The following SMAD3 variants were observed in gnomAD, a reference collection of about 807,000 sequenced individuals.
SMAD3 encodes the protein SMAD family member 3.
A neutral mutation model predicts 51.8 loss-of-function variants in SMAD3; 12 were observed. The ratio of observed to expected loss-of-function variants is 0.23; its 90% CI spans 0.15 to 0.38. SMAD3 has a LOEUF of 0.38. SMAD3 is among the 10% of genes least tolerant of loss of function. The pLI, the probability that SMAD3 is intolerant of heterozygous loss-of-function variation, is 1.00. For synonymous variants in SMAD3, 238 were observed against 227.7 expected, an observed-to-expected ratio of 1.05 and a Z score of -0.41; for missense variants, 294 against 565.6, an observed-to-expected ratio of 0.52 and a Z score of 4.87.
intron 6 of SMAD3, among the ~76,000 whole-genome samples, chr15:67,183,043 T>A (rs1295024176): frequency 9.1e-6 from 1 of 110,452 alleles, no homozygotes; most frequent in Non-Finnish European, 1.8e-5. Flanking sequence ...TTTTTTTTTT[T>A]TTTTTTTTGG....
chr15:67,076,014 C>T (rs1242834236), intron 1 of SMAD3, among the ~76,000 whole-genome samples: 2 of 151,956 alleles, frequency 1.3e-5, no homozygotes, highest in Non-Finnish European at 2.9e-5. Context: ...GCTCATTTTT[C>T]CTTTCCAAGG....
intron 1 of SMAD3, among the ~76,000 whole-genome samples, chr15:67,105,316 G>A (rs1279930070): frequency 2.0e-5 from 3 of 152,180 alleles, no homozygotes; most frequent in Admixed American, 1.3e-4. Context: ...TGGGGACTCA[G>A]GCAGGATGGG....
intron 1 of SMAD3, among the ~76,000 whole-genome samples, chr15:67,135,714 C>T (rs946621569): frequency 6.6e-6 from 1 of 152,152 alleles, no homozygotes; most frequent in African/African-American, 2.4e-5. Context: ...GGTTCAGACA[C>T]CCTCTCTAAG....
intron 6 of SMAD3, among the ~76,000 whole-genome samples, chr15:67,184,500 C>A (rs139786066): frequency 1.0e-3 from 152 of 152,298 alleles, no homozygotes; most frequent in African/African-American, 3.5e-3. Flanking sequence ...TCACTGAGAC[C>A]TATCCTGTGT....
chr15:67,177,292 A>G (rs755771501), intron 5 of SMAD3, among the ~76,000 whole-genome samples: 2 of 152,194 alleles, frequency 1.3e-5, no homozygotes, highest in East Asian at 1.9e-4. Flanking sequence ...ATGCTTTTGC[A>G]GTAACTATAA....
intron 6 of SMAD3, 33 bp downstream of exon 6, chr15:67,181,486 C>G: frequency 6.7e-7 from 1 of 1,487,766 alleles, no homozygotes; most frequent in East Asian, 2.5e-5. Flanking sequence ...GCCCCCCCAC[C>G]CTGCCCCTGC....
intron 1 of SMAD3, among the ~76,000 whole-genome samples, chr15:67,123,679 A>C (rs1961320446): frequency 1.3e-5 from 2 of 152,230 alleles, no homozygotes; most frequent in Non-Finnish European, 1.5e-5. Flanking sequence ...GGGATGCCCC[A>C]AAATTGGGAG....
intron 1 of SMAD3, among the ~76,000 whole-genome samples, chr15:67,075,644 G>A (rs1480985720): frequency 6.6e-6 from 1 of 152,210 alleles, no homozygotes; most frequent in African/African-American, 2.4e-5. Context: ...GCCGGGCACG[G>A]TGGCTCATGC....
chr15:67,101,724 C>T (rs551585952), intron 1 of SMAD3, among the ~76,000 whole-genome samples: 1 of 152,184 alleles, frequency 6.6e-6, no homozygotes, highest in Non-Finnish European at 1.5e-5. Flanking sequence ...GCTACATGAC[C>T]TTAGGAAAGT....
At chr15:67,105,977 G>T (rs1960868406) in intron 1 of SMAD3, among the ~76,000 whole-genome samples, 1 of 152,096 alleles carries the variant, frequency 6.6e-6, no homozygotes, top group Non-Finnish European at 1.5e-5. Flanking sequence ...CAGACCTCAG[G>T]AAGCAATCAT....
At chr15:67,168,966 A>G (rs967607859) in intron 4 of SMAD3, among the ~76,000 whole-genome samples, 4 of 152,098 alleles carry the variant, frequency 2.6e-5, no homozygotes, top group Non-Finnish European at 5.9e-5. Context: ...GCGCCCTTTT[A>G]GACTTGTGAG....
chr15:67,107,366 C>T (rs2140230385), intron 1 of SMAD3, among the ~76,000 whole-genome samples: 1 of 152,198 alleles, frequency 6.6e-6, no homozygotes, highest in East Asian at 1.9e-4. Flanking sequence ...CCTGCTGCGC[C>T]ACTCCCACCA....
chr15:67,081,922 A>C (rs1014626268), intron 1 of SMAD3, among the ~76,000 whole-genome samples: 2 of 151,922 alleles, frequency 1.3e-5, no homozygotes, highest in African/African-American at 4.8e-5. Context: ...GTGCTTAGTA[A>C]ATTTTATTTG....
At chr15:67,145,766 C>T (rs1368909236) in intron 1 of SMAD3, among the ~76,000 whole-genome samples, 1 of 152,170 alleles carries the variant, frequency 6.6e-6, no homozygotes, top group Non-Finnish European at 1.5e-5. Context: ...TGAGGTGGCC[C>T]AGGTGGTAAG....
chr15:67,065,658 C>T lies in SMAD3; in HGVS notation c.-497C>T, dbSNP rs1460954391. Among the ~76,000 whole-genome samples the T allele has an allele frequency of 6.6e-6, 1 of 151,546 alleles. No homozygotes were observed. The highest frequency in any genetic ancestry group is 2.1e-4 in the South Asian group (1 of 4,814). Reference sequence around the variant, plus strand: ...AGCGCGGCGCACGCCCCGGGCCGGCCCAGCCAGCGAGCGAGCGAGCGGCGA... The same window carrying T: ...AGCGCGGCGCACGCCCCGGGCCGGCTCAGCCAGCGAGCGAGCGAGCGGCGA... On this transcript the variant is annotated 5_prime_UTR_variant, in exon 1 of 9. Transcript: ENST00000327367.
intron 1 of SMAD3, among the ~76,000 whole-genome samples, chr15:67,163,999 C>A (rs901236884): frequency 4.0e-5 from 6 of 149,068 alleles, no homozygotes; most frequent in African/African-American, 1.5e-4. Flanking sequence ...TCACTCCCTG[C>A]TCACCACAAA....
chr15:67,100,578 T>C (rs1464270092), intron 1 of SMAD3, among the ~76,000 whole-genome samples: 2 of 152,112 alleles, frequency 1.3e-5, no homozygotes, highest in Non-Finnish European at 2.9e-5. Context: ...TAATATATTG[T>C]GATATACTGT....
At chr15:67,085,439 C>G (rs1412061770) in intron 1 of SMAD3, among the ~76,000 whole-genome samples, 4 of 152,196 alleles carry the variant, frequency 2.6e-5, no homozygotes, top group Non-Finnish European at 4.4e-5. Flanking sequence ...CCTGCACTTG[C>G]ATTCAAAGAA....
intron 3 of SMAD3, chr15:67,166,202 A>G (rs986324550): frequency 1.4e-5 from 14 of 1,017,560 alleles, no homozygotes; most frequent in Middle Eastern, 5.0e-4. Flanking sequence ...GGGTAAGTCA[A>G]CTACTCCCTG....
Sources: allele counts gnomAD v4.1 joint callset (sites outside exome capture counted in the v4.1 genomes callset), GRCh38; gene constraint gnomAD v4.1.1; transcripts MANE v1.5; gene names NCBI Gene and HGNC (gene_info 2026-07-23, HGNC 2026-07-21).